Variants in CADM2 observed in about 807,000 individuals in gnomAD.
The protein encoded by CADM2 is cell adhesion molecule 2, also known as immunoglobulin superfamily member 4D.
In CADM2, 12 loss-of-function variants were observed where a neutral mutation model predicts 49.8. The observed-to-expected ratio is 0.24, with a 90% CI of 0.15 to 0.39. The LOEUF is 0.39. CADM2 is among the 10% of genes least tolerant of loss of function. CADM2 has a pLI of 1.00. For synonymous variants in CADM2, 214 were observed against 175.4 expected (o/e 1.22, Z -1.74); for missense variants, 378 against 492.3 (o/e 0.77, Z 2.20).
At chr3:85,410,317 G>A (rs934401151) in intron 1 of CADM2, among the ~76,000 whole-genome samples, 4 of 152,110 alleles carry the variant, frequency 2.6e-5, no homozygotes, top group African/African-American at 9.7e-5. Context: ...CTAATCTAGT[G>A]TTCCTCTAGC....
At chr3:85,318,545 AC>A (rs1284398413) in intron 1 of CADM2, among the ~76,000 whole-genome samples, 1 of 152,222 alleles carries the variant, frequency 6.6e-6, no homozygotes, top group Non-Finnish European at 1.5e-5. Flanking sequence ...AAGATAGATT[AC>A]CTACAAAGAA....
rs1553713957 is a variant in CADM2, at chr3:85,365,198, A to AC, written c.62-361323dup. On this transcript the variant is annotated intron_variant, in intron 1 of 9. Transcript: ENST00000383699. Reference sequence around the variant, plus strand: ...ATTGGGAGGGTTTTTTTTTTTTTTTACTTTTTTTTTTTTTTTAGATAATTC... The same window carrying AC: ...ATTGGGAGGGTTTTTTTTTTTTTTTACCTTTTTTTTTTTTTTTAGATAATTC... Among the ~76,000 whole-genome samples, 4 of 48,668 alleles carry AC rather than the reference A, an allele frequency of 8.2e-5. No individual in the cohort carries two copies. The South Asian group carries it at 2.9e-3, about 35-fold the overall frequency. 31.9% of individuals were successfully genotyped at this position (48,668 alleles called of 152,430 possible).
In CADM2 at chr3:85,132,640, A is replaced by ATTTT. The variant is rs529056112; in HGVS notation, c.61+172973_61+172974insTTTT. On this transcript the variant is annotated intron_variant, in intron 1 of 9. Transcript: ENST00000383699. Reference sequence around the variant, plus strand: ...ACAAGGATATATTATATATATATATATATTTAGTCATTAGACCCTCTCAGT... The same window carrying ATTTT: ...ACAAGGATATATTATATATATATATATTTTTATTTAGTCATTAGACCCTCTCAGT... Among the ~76,000 whole-genome samples, 263 of 144,150 alleles carry ATTTT rather than the reference A, an allele frequency of 1.8e-3. 2 individuals are homozygous for ATTTT. The East Asian group carries it at 0.04, about 22-fold the overall frequency. The allele number at this position is 144,150 out of a possible 152,430, so 94.6% of individuals were successfully genotyped here. A position where few individuals can be genotyped will look rare whatever the true frequency, so the allele number is the denominator to read the frequency against.
intron 1 of CADM2, among the ~76,000 whole-genome samples, chr3:85,494,481 T>G (rs1282989038): frequency 6.6e-6 from 1 of 152,162 alleles, no homozygotes; most frequent in East Asian, 1.9e-4. Flanking sequence ...GTATCTATTT[T>G]AGAAAGTTCA....
intron 2 of CADM2, among the ~76,000 whole-genome samples, chr3:85,744,395 G>T (rs1157840149): frequency 6.6e-6 from 1 of 151,962 alleles, no homozygotes; most frequent in African/African-American, 2.4e-5. Flanking sequence ...ATGGATAAAT[G>T]CTTGAGGTGA....
At chr3:85,616,691 A>T (rs1294847708) in intron 1 of CADM2, among the ~76,000 whole-genome samples, 2 of 152,166 alleles carry the variant, frequency 1.3e-5, no homozygotes, top group Non-Finnish European at 2.9e-5. Flanking sequence ...GTTCCCAATA[A>T]TAAATTATAG....
At chr3:84,992,455 G>A (rs12497566) in intron 1 of CADM2, among the ~76,000 whole-genome samples, 2 of 151,812 alleles carry the variant, frequency 1.3e-5, no homozygotes, top group African/African-American at 2.4e-5. Context: ...GTGGTGAAAC[G>A]CTGTCTCTAC....
At chr3:85,792,597 G>A (rs762612254) in intron 2 of CADM2, among the ~76,000 whole-genome samples, 96 of 152,302 alleles carry the variant, frequency 6.3e-4, no homozygotes, top group Non-Finnish European at 6.6e-4. Flanking sequence ...TATCTCGGGT[G>A]ATTATTGCTC....
intron 1 of CADM2, among the ~76,000 whole-genome samples, chr3:85,236,066 A>G (rs1280693321): frequency 4.0e-5 from 6 of 151,776 alleles, no homozygotes; most frequent in Non-Finnish European, 7.4e-5. Flanking sequence ...CCGCCTCACA[A>G]TTTTTTCCTG....
At chr3:85,740,790 C>T (rs1314265277) in intron 2 of CADM2, among the ~76,000 whole-genome samples, 2 of 152,150 alleles carry the variant, frequency 1.3e-5, no homozygotes, top group Non-Finnish European at 2.9e-5. Flanking sequence ...TACTTGGAGC[C>T]AATTTCTTCT....
At chr3:85,010,876 T>G (rs949656305) in intron 1 of CADM2, among the ~76,000 whole-genome samples, 1 of 133,520 alleles carries the variant, frequency 7.5e-6, no homozygotes, top group African/African-American at 2.9e-5. Flanking sequence ...TTTTTTTTTT[T>G]TTTTTGAGAT....
intron 1 of CADM2, among the ~76,000 whole-genome samples, chr3:85,676,013 C>A (rs953996696): frequency 1.3e-5 from 2 of 152,182 alleles, no homozygotes; most frequent in Non-Finnish European, 2.9e-5. Context: ...AATGAAGTAT[C>A]ATTTGGCTTT....
chr3:85,848,402 C>T (rs2074967008), intron 3 of CADM2, among the ~76,000 whole-genome samples: 1 of 151,834 alleles, frequency 6.6e-6, no homozygotes, highest in African/African-American at 2.4e-5. Flanking sequence ...TCATGTTTCT[C>T]TTAGTAGTAT....
rs1472916103 is a variant in CADM2 at position 85,041,515 on chromosome 3, GC to G, written c.61+81848del. On this transcript the variant is annotated intron_variant, in intron 1 of 9. Transcript: ENST00000383699. ...AATATCCTATTCTTGTATCTTTCAT[GC>G]TCTTAAATCGTATGACTTTTCCACC... is the stretch of plus-strand genomic sequence containing the variant. 3.3e-5 allele frequency among the ~76,000 whole-genome samples: 5 copies of G among 152,226 alleles called. 1 individual carries two copies. The South Asian group carries it at 1.0e-3, about 32-fold the overall frequency.
intron 1 of CADM2, among the ~76,000 whole-genome samples, chr3:85,461,051 C>T (rs1288335449): frequency 6.6e-6 from 1 of 152,114 alleles, no homozygotes; most frequent in African/African-American, 2.4e-5. Context: ...CTTTATATTT[C>T]ACAGAAGTTT....
rs144470744 is a variant in CADM2 at position 85,687,079 on chromosome 3, G to A, written c.62-39443G>A. On this transcript the variant is annotated intron_variant, in intron 1 of 9. Coordinates refer to ENST00000383699, the MANE Select transcript of CADM2 (RefSeq NM_001167675.2). ...TAACTGAGACCTGTCTCAGATCTCCGGGGTTCACAAGAGCATTTTTATGTC... is the reference window on the plus strand; with the variant it reads ...TAACTGAGACCTGTCTCAGATCTCCAGGGTTCACAAGAGCATTTTTATGTC... Among the ~76,000 whole-genome samples, 547 of 152,120 alleles carry A rather than the reference G, an allele frequency of 3.6e-3. 15 individuals are homozygous for A. The highest frequency in any genetic ancestry group is 0.02 in the Admixed American group (308 of 15,276).
At chr3:85,620,117 T>C (rs1225227474) in intron 1 of CADM2, among the ~76,000 whole-genome samples, 1 of 152,164 alleles carries the variant, frequency 6.6e-6, no homozygotes, top group Non-Finnish European at 1.5e-5. Context: ...ATTCTCTCTT[T>C]GGTCAAGTCC....
At chr3:85,769,880 A>G (rs866088105) in intron 2 of CADM2, among the ~76,000 whole-genome samples, 1 of 151,836 alleles carries the variant, frequency 6.6e-6, no homozygotes, top group South Asian at 2.1e-4. Flanking sequence ...CAAAGCAGCA[A>G]CTAAGTTCAT....
chr3:85,121,217 A>G (rs1159461345), intron 1 of CADM2, among the ~76,000 whole-genome samples: 1 of 152,234 alleles, frequency 6.6e-6, no homozygotes, highest in African/African-American at 2.4e-5. Flanking sequence ...GCCATCAGAA[A>G]TTACAAAACA....
Sources: allele counts gnomAD v4.1 joint callset (sites outside exome capture counted in the v4.1 genomes callset), GRCh38; gene constraint gnomAD v4.1.1; transcripts MANE v1.5; gene names NCBI Gene and HGNC (gene_info 2026-07-23, HGNC 2026-07-21).